PHACTR3: variants seen among roughly 807,000 people sequenced by gnomAD.
PHACTR3 encodes protein phosphatase 1, regulatory subunit 123.
PHACTR3 carries 16 observed loss-of-function variants against 66.8 expected under a neutral mutation model. The observed-to-expected ratio is 0.24, with a 90% CI of 0.16 to 0.36. The LOEUF is 0.36. Among genes scored for constraint, PHACTR3 ranks in the 10% least tolerant of loss-of-function variants. The pLI is 1.00. For synonymous variants in PHACTR3, 323 were observed against 292.1 expected (o/e 1.11, Z -1.08); for missense variants, 647 against 719.9 (o/e 0.90, Z 1.16).
intron 7 of PHACTR3, among the ~76,000 whole-genome samples, chr20:59,799,390 G>T (rs1372684695): frequency 6.6e-6 from 1 of 152,128 alleles, no homozygotes; most frequent in Non-Finnish European, 1.5e-5. Flanking sequence ...TCCAAGAAAT[G>T]ATGTGTGGAT....
upstream of PHACTR3, among the ~76,000 whole-genome samples, chr20:59,603,256 A>C (rs1378228759): frequency 2.0e-5 from 3 of 152,084 alleles, no homozygotes; most frequent in Non-Finnish European, 4.4e-5. Flanking sequence ...CGGAAGACTC[A>C]AGGAGTTGGG....
intron 7 of PHACTR3, among the ~76,000 whole-genome samples, chr20:59,782,696 C>T (rs1360598229): frequency 4.6e-5 from 7 of 152,194 alleles, no homozygotes; most frequent in East Asian, 3.8e-4. Context: ...TTCACTACCA[C>T]GAGAAAAGTA....
intron 1 of PHACTR3, chr20:59,626,925 C>T (rs2034470433): frequency 1.3e-5 from 2 of 152,260 alleles, no homozygotes; most frequent in African/African-American, 4.8e-5. Flanking sequence ...CAGGTGGCTA[C>T]ACTTTCAGGA....
In PHACTR3 at chr20:59,755,261, G is replaced by A. The variant is rs114895741; in HGVS notation, c.438G>A (p.Thr146=). ...AACCACCCACTCCCAAGTCGGAGACGCTGACTTCAGAAGATGCCCAGCCCG... is the reference window on the plus strand; with the variant it reads ...AACCACCCACTCCCAAGTCGGAGACACTGACTTCAGAAGATGCCCAGCCCG... ...QSEPPTPKSE[T]LTSEDAQPGS... The change falls in exon 4 of 13, where the codon ACG becomes ACA. Residue 146 remains threonine (T), a synonymous_variant. Transcript: ENST00000371015. The A allele has an allele frequency of 2.3e-4, 376 of 1,613,816 alleles. 2 individuals carry two copies. The African/African-American group carries it at 4.3e-3, about 19-fold the overall frequency.
intron 1 of PHACTR3, among the ~76,000 whole-genome samples, chr20:59,709,494 T>G (rs2037836136): frequency 6.6e-6 from 1 of 152,224 alleles, no homozygotes; most frequent in Admixed American, 6.5e-5. Context: ...TTTTTTCCAA[T>G]CTTACAAAAC....
chr20:59,844,644 G>T (rs1018958401), intron 11 of PHACTR3: 1 of 152,144 alleles, frequency 6.6e-6, no homozygotes, highest in Non-Finnish European at 1.5e-5. Context: ...TGTCATGGAG[G>T]TAGACAGTAG....
rs74532763 is a variant in PHACTR3 at position 59,667,927 on chromosome 20, G to A, written c.118+62795G>A. Among the ~76,000 whole-genome samples the A allele has an allele frequency of 0.026, 3,902 of 152,304 alleles. 248 individuals carry two copies. In the East Asian group the frequency reaches 0.26, roughly 10 times the overall value. On this transcript the variant is annotated intron_variant, in intron 1 of 12. Coordinates refer to ENST00000371015, the MANE Select transcript of PHACTR3 (RefSeq NM_080672.5). ...AAATAAGCAGTGAATTCTGCAGGGC[G>A]AGCCACAAGGGCAGTGCTAGGAAAG... is the stretch of plus-strand genomic sequence containing the variant.
chr20:59,737,453 C>G (rs1193884222), intron 1 of PHACTR3, among the ~76,000 whole-genome samples: 1 of 152,086 alleles, frequency 6.6e-6, no homozygotes, highest in Non-Finnish European at 1.5e-5. Flanking sequence ...GAGACAACTA[C>G]AAACAGGTAA....
At chr20:59,665,752 G>A (rs2035963989) in intron 1 of PHACTR3, among the ~76,000 whole-genome samples, 1 of 152,082 alleles carries the variant, frequency 6.6e-6, no homozygotes, top group South Asian at 2.1e-4. Context: ...GAGATGAAGG[G>A]CGAGAGGATT....
chr20:59,747,541 C>T (rs1366612844), intron 2 of PHACTR3, among the ~76,000 whole-genome samples: 1 of 152,234 alleles, frequency 6.6e-6, no homozygotes, highest in Non-Finnish European at 1.5e-5. Flanking sequence ...ATATCTACTG[C>T]GTGCACTGCT....
chr20:59,686,122 C>G (rs1184146374), intron 1 of PHACTR3, among the ~76,000 whole-genome samples: 2 of 152,136 alleles, frequency 1.3e-5, no homozygotes, highest in African/African-American at 4.8e-5. Context: ...ACCTTAAAGA[C>G]AGGAATTCAG....
intron 5 of PHACTR3, among the ~76,000 whole-genome samples, chr20:59,767,700 G>T (rs767453503): frequency 6.6e-6 from 1 of 152,236 alleles, no homozygotes; most frequent in African/African-American, 2.4e-5. Context: ...GGAGTCAAAG[G>T]GGGGATCTTC....
chr20:59,835,202 G>A (rs2042490344), intron 8 of PHACTR3, among the ~76,000 whole-genome samples: 1 of 152,154 alleles, frequency 6.6e-6, no homozygotes, highest in South Asian at 2.1e-4. Context: ...TGACTAGACT[G>A]CAAAAGCAAC....
chr20:59,727,781 G>T (rs2038619634), intron 1 of PHACTR3, among the ~76,000 whole-genome samples: 1 of 152,104 alleles, frequency 6.6e-6, no homozygotes, highest in Non-Finnish European at 1.5e-5. Flanking sequence ...GAACATTTTG[G>T]ATTTCAAAGT....
In PHACTR3 at chr20:59,631,473, G is replaced by T. The variant is rs188257956; in HGVS notation, c.118+26341G>T. On this transcript the variant is annotated intron_variant, in intron 1 of 12. Coordinates refer to ENST00000371015, the MANE Select transcript of PHACTR3 (RefSeq NM_080672.5). ...GCAGTGACAGTTTTTGGGTAGCTAT[G>T]GAGGGAGGAGAGAGGTAGGACTTTG... is the stretch of plus-strand genomic sequence containing the variant. Among the ~76,000 whole-genome samples the T allele has an allele frequency of 6.6e-5, 10 of 152,264 alleles. No individual in the cohort carries two copies. In the East Asian group the frequency reaches 1.5e-3, roughly 24 times the overall value.
chr20:59,684,224 A>G (rs1050098645), intron 1 of PHACTR3, among the ~76,000 whole-genome samples: 2 of 152,140 alleles, frequency 1.3e-5, no homozygotes, highest in Non-Finnish European at 2.9e-5. Context: ...CTCCTGAATA[A>G]TATCTTTCTT....
intron 1 of PHACTR3, among the ~76,000 whole-genome samples, chr20:59,650,299 G>A (rs556722646): frequency 6.6e-6 from 1 of 152,210 alleles, no homozygotes; most frequent in South Asian, 2.1e-4. Context: ...AAGGGTTGCA[G>A]ATACAAAGAT....
intron 1 of PHACTR3, among the ~76,000 whole-genome samples, chr20:59,732,842 G>A (rs1005142613): frequency 7.9e-5 from 12 of 152,120 alleles, no homozygotes; most frequent in Admixed American, 2.6e-4. Flanking sequence ...GCTAGGTGCC[G>A]GAGGAGGAAG....
At chr20:59,747,662 T>A in intron 2 of PHACTR3, 96 bp from the exon 3 acceptor site, 1 of 1,412,174 alleles carries the variant, frequency 7.1e-7, no homozygotes, top group Non-Finnish European at 9.8e-7. Flanking sequence ...TCAGTGTTTT[T>A]GGTCTGTAAA....
Sources: gnomAD v4.1 joint callset for allele counts (sites outside exome capture counted in the v4.1 genomes callset) on GRCh38, gnomAD v4.1.1 for gene constraint, MANE v1.5 for transcripts, NCBI Gene and HGNC (gene_info 2026-07-23, HGNC 2026-07-21) for gene names.